The following SMPD3 variants were observed in gnomAD, a reference collection of about 807,000 sequenced individuals.
SMPD3 encodes nSMase-2.
In SMPD3, 21 loss-of-function variants were observed where a neutral mutation model predicts 55.7. That is an observed-to-expected ratio of 0.38 (90% CI 0.27 to 0.54). SMPD3 has a LOEUF of 0.54. Ranked by LOEUF, SMPD3 falls within the 20% of genes least tolerant of loss-of-function variation. The pLI is 0.80. For synonymous variants in SMPD3, 457 were observed against 404.3 expected (o/e 1.13, Z -1.56); for missense variants, 842 against 899.6 (o/e 0.94, Z 0.82).
chr16:68,377,177 T>G (rs1022972260), intron 2 of SMPD3, among the ~76,000 whole-genome samples: 6 of 152,200 alleles, frequency 3.9e-5, no homozygotes, highest in African/African-American at 1.4e-4. Flanking sequence ...GCTGCTGGAC[T>G]TCACTAGCTT....
rs2089096745 is a variant in SMPD3, at chr16:68,359,408, C to G, written c.*1798G>C. ...GGACTCTGGAGGGGCAGGGCTTGGG[C>G]CCGGGCAGACGGTGCTTCCCAGGCC... On this transcript the variant is annotated 3_prime_UTR_variant, in exon 9 of 9. Coordinates refer to ENST00000219334, the MANE Select transcript of SMPD3 (RefSeq NM_018667.4). The G allele has an allele frequency of 6.5e-6, 1 of 152,708 alleles. No individual in the cohort carries two copies. Among genetic ancestry groups the G allele is most frequent in the East Asian group, 1.9e-4 (1 of 5,240 alleles). 9.5% of individuals were successfully genotyped at this position (152,708 alleles called of 1,614,324 possible). A position where few individuals can be genotyped will look rare whatever the true frequency, so the allele number is the denominator to read the frequency against.
chr16:68,367,637 A>T (rs1255551669), intron 3 of SMPD3: 1 of 152,258 alleles, frequency 6.6e-6, no homozygotes, highest in Non-Finnish European at 1.5e-5. Context: ...ACAAGAACCC[A>T]CTGGCCGGAG....
In SMPD3 at chr16:68,361,044, A is replaced by C. The variant is rs1597576915; in HGVS notation, c.*162T>G. 1.6e-6 allele frequency: 1 copy of C among 644,172 alleles called. No homozygotes were observed. The highest frequency in any genetic ancestry group is 2.8e-5 in the East Asian group (1 of 35,834). The allele number at this position is 644,172 out of a possible 1,614,324, so 39.9% of individuals were successfully genotyped here. ...CTCCTCTGTCCACAGTGAGGCCCAG[A>C]GGCGCAGAGCAGCGCAGCTTCCAGG... On this transcript the variant is annotated 3_prime_UTR_variant, in exon 9 of 9. Coordinates refer to ENST00000219334, the MANE Select transcript of SMPD3 (RefSeq NM_018667.4).
intron 1 of SMPD3, among the ~76,000 whole-genome samples, chr16:68,446,408 G>T (rs1487955924): frequency 2.0e-5 from 3 of 151,972 alleles, no homozygotes; most frequent in African/African-American, 7.3e-5. Context: ...TGTGGCTTGA[G>T]AGTTAAAGAT....
Position 68,447,324 on chromosome 16 carries a change from T to C in SMPD3, c.-269+1029A>G, listed in dbSNP as rs2090617983. 1.3e-5 allele frequency among the ~76,000 whole-genome samples: 2 copies of C among 152,086 alleles called. No individual in the cohort carries two copies. Among genetic ancestry groups the C allele is most frequent in the African/African-American group, 4.8e-5 (2 of 41,412 alleles). The stretch of plus-strand genomic sequence containing the variant: ...TGGGGGTAGCGTCTACCTGGAGCTC[T>C]TGAGTGCTTGAGGGGAGACCCGCCC... On this transcript the variant is annotated intron_variant, in intron 1 of 8. Coordinates refer to ENST00000219334, the MANE Select transcript of SMPD3 (RefSeq NM_018667.4). This position sits in a 1 kb window ranked among gnomAD's most constrained non-coding sequence, Gnocchi z 5.1.
chr16:68,382,095 T>A (rs943532265), intron 2 of SMPD3: 12 of 152,252 alleles, frequency 7.9e-5, no homozygotes, highest in Non-Finnish European at 1.6e-4. Context: ...TGAGTCTTAA[T>A]CTTTTAATTT....
chr16:68,382,176 TGGA>T (rs920260977), intron 2 of SMPD3: 2 of 152,232 alleles, frequency 1.3e-5, no homozygotes, highest in African/African-American at 2.4e-5. Context: ...TCCGTAGACG[TGGA>T]GAAGTAAATC....
chr16:68,398,149 A>G (rs778096331), intron 1 of SMPD3, among the ~76,000 whole-genome samples: 5 of 152,158 alleles, frequency 3.3e-5, no homozygotes, highest in Non-Finnish European at 7.4e-5. Context: ...GTTCTCAGGG[A>G]GAACAGGCAG....
intron 3 of SMPD3, among the ~76,000 whole-genome samples, chr16:68,365,378 A>G (rs965741328): frequency 1.3e-5 from 2 of 152,130 alleles, no homozygotes; most frequent in Non-Finnish European, 2.9e-5. Context: ...GGCTCCCCGG[A>G]GGCCCAGGCC....
intron 7 of SMPD3, 149 bp downstream of exon 7, chr16:68,363,347 G>A (rs2089372088): frequency 2.3e-6 from 2 of 861,582 alleles, no homozygotes; most frequent in South Asian, 1.5e-5. Context: ...GCTCTCAAAA[G>A]CTCTCAAAGG....
intron 1 of SMPD3, among the ~76,000 whole-genome samples, chr16:68,403,683 A>G (rs1212586890): frequency 6.6e-6 from 1 of 152,256 alleles, no homozygotes. Context: ...TTTATGGAAA[A>G]CAAAAGTTTT....
chr16:68,409,026 C>A (rs1330828240), intron 1 of SMPD3, among the ~76,000 whole-genome samples: 1 of 152,198 alleles, frequency 6.6e-6, no homozygotes, highest in Non-Finnish European at 1.5e-5. Context: ...CACAAGGGCC[C>A]TGCACTGCAG....
chr16:68,401,452 AG>A (rs1338760719), intron 1 of SMPD3, among the ~76,000 whole-genome samples: 3 of 151,702 alleles, frequency 2.0e-5, no homozygotes, highest in Non-Finnish European at 4.4e-5. Context: ...TGGGGGTGAT[AG>A]GGGTATAGGA....
intron 1 of SMPD3, among the ~76,000 whole-genome samples, chr16:68,391,023 A>T (rs2090106685): frequency 6.6e-6 from 1 of 152,232 alleles, no homozygotes. Context: ...GTGAACAAAG[A>T]TTAGGACATA....
At chr16:68,417,407 C>T (rs1233228713) in intron 1 of SMPD3, among the ~76,000 whole-genome samples, 1 of 152,204 alleles carries the variant, frequency 6.6e-6, no homozygotes, top group Non-Finnish European at 1.5e-5. Context: ...TACCCCACTC[C>T]AGAGCCACTC....
At chr16:68,390,067 G>C (rs1300379033) in intron 1 of SMPD3, among the ~76,000 whole-genome samples, 1 of 152,210 alleles carries the variant, frequency 6.6e-6, no homozygotes, top group Non-Finnish European at 1.5e-5. Context: ...TCCAGGAAGG[G>C]GGTGGGCAAT....
chr16:68,419,215 G>T (rs1308780530), intron 1 of SMPD3, among the ~76,000 whole-genome samples: 1 of 152,212 alleles, frequency 6.6e-6, no homozygotes, highest in Non-Finnish European at 1.5e-5. Context: ...GGAGGAAGCT[G>T]CCCAGAGCAG....
At position 68,371,582 on chromosome 16, in the gene SMPD3, G is replaced by C. The variant is rs1378192855; in HGVS notation, c.600C>G (p.Val200=). 6.3e-7 allele frequency: 1 copy of C among 1,580,542 alleles called. No individual in the cohort carries two copies. Among genetic ancestry groups the C allele is most frequent in the Non-Finnish European group, 8.6e-7 (1 of 1,164,246 alleles). ...AGGCTGTCCTCTTAATGCTCCCGGG[G>C]ACGGCCCGGGCCACCCCATCGCCGC... ...PQGGDGVARA[V]PGSIKRTASV... is the part of the protein sequence containing the mutation. The change falls in exon 3 of 9, where the codon GTC becomes GTG. Residue 200 remains valine, a synonymous_variant. Coordinates refer to ENST00000219334, the MANE Select transcript of SMPD3 (RefSeq NM_018667.4).
chr16:68,379,957 A>G (rs8060896), intron 2 of SMPD3, among the ~76,000 whole-genome samples: 7,788 of 152,330 alleles, frequency 0.051, 231 homozygotes, highest in Middle Eastern at 0.12. Context: ...TGATGTTTCA[A>G]ACAGCAGGAC....
Sources: gnomAD v4.1 joint callset for allele counts (sites outside exome capture counted in the v4.1 genomes callset) on GRCh38, gnomAD v4.1.1 for gene constraint, Gnocchi (gnomAD v3.1) non-coding constraint, MANE v1.5 for transcripts, NCBI Gene and HGNC (gene_info 2026-07-23, HGNC 2026-07-21) for gene names.